Variants in CAMKMT observed in about 807,000 individuals in gnomAD.
The protein encoded by CAMKMT is calmodulin-lysine N-methyltransferase, also known as CaM KMT.
Under a neutral mutation model 48.0 loss-of-function variants are expected in CAMKMT, and 53 were observed. The ratio of observed to expected loss-of-function variants is 1.10; its 90% CI spans 0.89 to 1.39. The LOEUF is 1.39. Ranked by LOEUF, CAMKMT falls within the 40% of genes most tolerant of loss-of-function variation. The pLI, the probability that CAMKMT is intolerant of heterozygous loss-of-function variation, is 0.00. For synonymous variants in CAMKMT, 165 were observed against 152.3 expected, an observed-to-expected ratio of 1.08 and a Z score of -0.61; for missense variants, 428 against 402.7, an observed-to-expected ratio of 1.06 and a Z score of -0.54.
chr2:44,366,825 G>A (rs1282717065), intron 1 of CAMKMT, among the ~76,000 whole-genome samples: 1 of 151,928 alleles, frequency 6.6e-6, no homozygotes, highest in Non-Finnish European at 1.5e-5. Flanking sequence ...GGGTTCAAAC[G>A]ATTCTTGTGC....
At chr2:44,400,942 A>ATG (rs1431439816) in intron 3 of CAMKMT, 4 of 118,674 alleles carry the variant, frequency 3.4e-5, no homozygotes, top group Non-Finnish European at 7.7e-5. Flanking sequence ...ATATATATAT[A>ATG]TATATATATA....
At chr2:44,765,299 C>T (rs1394945404) in intron 9 of CAMKMT, among the ~76,000 whole-genome samples, 1 of 151,924 alleles carries the variant, frequency 6.6e-6, no homozygotes, top group Admixed American at 6.6e-5. Context: ...ACTATACCTA[C>T]AACATAGAGT....
chr2:44,598,820 A>G (rs1670820250), intron 3 of CAMKMT, among the ~76,000 whole-genome samples: 1 of 151,410 alleles, frequency 6.6e-6, no homozygotes, highest in East Asian at 1.9e-4. Flanking sequence ...TGGTTTCACA[A>G]TGTGAAGTTC....
chr2:44,431,908 C>G (rs921162887), intron 3 of CAMKMT, among the ~76,000 whole-genome samples: 1 of 152,110 alleles, frequency 6.6e-6, no homozygotes, highest in Non-Finnish European at 1.5e-5. Context: ...CAATTTACTT[C>G]CTGGAAATGA....
chr2:44,454,866 C>G (rs1315132081), intron 3 of CAMKMT, among the ~76,000 whole-genome samples: 2 of 152,004 alleles, frequency 1.3e-5, no homozygotes, highest in African/African-American at 4.8e-5. Context: ...TTATTTAAAC[C>G]TAGAGAGGAT....
intron 3 of CAMKMT, among the ~76,000 whole-genome samples, chr2:44,500,945 T>C (rs1272422089): frequency 6.6e-6 from 1 of 151,960 alleles, no homozygotes; most frequent in African/African-American, 2.4e-5. Flanking sequence ...GCCTCCCAAA[T>C]TGCTGTGATT....
At position 44,744,711 on chromosome 2, in the gene CAMKMT, G is replaced by A. The variant is rs984572163; in HGVS notation, c.698+1015G>A. On this transcript the variant is annotated intron_variant, in intron 8 of 10. Coordinates refer to ENST00000378494, the MANE Select transcript of CAMKMT (RefSeq NM_024766.5). Reference sequence around the variant, plus strand: ...ATGAAATTTTCAGGAAGTGGGTTTTGTTATTATTATTATTTTAATAAGATT... The same window carrying A: ...ATGAAATTTTCAGGAAGTGGGTTTTATTATTATTATTATTTTAATAAGATT... 2.6e-5 allele frequency among the ~76,000 whole-genome samples: 4 copies of A among 151,610 alleles called. 1 individual carries two copies. In the East Asian group the frequency reaches 7.8e-4, roughly 29 times the overall value.
chr2:44,741,613 C>T (rs1679679970), intron 7 of CAMKMT, among the ~76,000 whole-genome samples: 1 of 152,230 alleles, frequency 6.6e-6, no homozygotes, highest in Non-Finnish European at 1.5e-5. Flanking sequence ...CACAATACCA[C>T]TCTCTTTCTC....
chr2:44,607,037 A>G (rs943979840), intron 3 of CAMKMT, among the ~76,000 whole-genome samples: 3 of 152,220 alleles, frequency 2.0e-5, no homozygotes, highest in African/African-American at 7.2e-5. Flanking sequence ...CTCTAACTGC[A>G]CTATTCTATG....
At chr2:44,381,301 A>G (rs542904170) in intron 2 of CAMKMT, among the ~76,000 whole-genome samples, 77 of 152,332 alleles carry the variant, frequency 5.1e-4, no homozygotes, top group African/African-American at 1.8e-3. Flanking sequence ...TAGAAATTAA[A>G]AAAAATTACC....
intron 3 of CAMKMT, among the ~76,000 whole-genome samples, chr2:44,627,856 C>A (rs147469773): frequency 0.022 from 3,330 of 151,586 alleles, 129 homozygotes; most frequent in African/African-American, 0.077. Flanking sequence ...CGTGCCACCA[C>A]ACCTGGCTAA....
chr2:44,590,154 T>G (rs916087172), intron 3 of CAMKMT, among the ~76,000 whole-genome samples: 6 of 152,030 alleles, frequency 3.9e-5, no homozygotes, highest in African/African-American at 1.4e-4. Flanking sequence ...GGCTAGAACC[T>G]CTAGTATAGT....
intron 3 of CAMKMT, among the ~76,000 whole-genome samples, chr2:44,613,475 T>C (rs114028213): frequency 2.6e-5 from 4 of 152,186 alleles, no homozygotes. Flanking sequence ...TGGTCAGGAC[T>C]GTATGCTGTG....
intron 8 of CAMKMT, among the ~76,000 whole-genome samples, chr2:44,753,245 C>A (rs1318741292): frequency 2.3e-5 from 3 of 130,464 alleles, no homozygotes; most frequent in East Asian, 2.2e-4. Flanking sequence ...AGACCCTGTC[C>A]CTACAAAAAA....
At chr2:44,415,456 G>T (rs952947286) in intron 3 of CAMKMT, among the ~76,000 whole-genome samples, 1 of 152,118 alleles carries the variant, frequency 6.6e-6, no homozygotes, top group African/African-American at 2.4e-5. Context: ...ATGTTAATTC[G>T]TTATTTCCAC....
chr2:44,710,792 A>G (rs1677838208), intron 6 of CAMKMT, among the ~76,000 whole-genome samples: 1 of 152,212 alleles, frequency 6.6e-6, no homozygotes, highest in African/African-American at 2.4e-5. Context: ...ATAATGAATA[A>G]AAGTAGAACT....
chr2:44,503,192 A>G lies in CAMKMT; in HGVS notation c.376+112887A>G, dbSNP rs530750333. 2.1e-4 allele frequency among the ~76,000 whole-genome samples: 32 copies of G among 152,092 alleles called. 1 individual carries two copies. In the South Asian group the frequency reaches 6.4e-3, roughly 31 times the overall value. ...AGTGTAATAACCAATTTTTTTTTCC[A>G]GAAATTTAACCTCTCCCCTGCTTGT... On this transcript the variant is annotated intron_variant, in intron 3 of 10. Coordinates refer to ENST00000378494, the MANE Select transcript of CAMKMT (RefSeq NM_024766.5).
At chr2:44,596,348 C>T (rs1391486304) in intron 3 of CAMKMT, among the ~76,000 whole-genome samples, 5 of 151,676 alleles carry the variant, frequency 3.3e-5, no homozygotes, top group Non-Finnish European at 7.4e-5. Context: ...ACTTGGGAGG[C>T]TGAGATGGGA....
chr2:44,480,613 A>G (rs946570502), intron 3 of CAMKMT, among the ~76,000 whole-genome samples: 1 of 152,162 alleles, frequency 6.6e-6, no homozygotes, highest in African/African-American at 2.4e-5. Context: ...TGAGAATTCT[A>G]TCTTTGTTTT....
Sources: gnomAD v4.1 joint callset for allele counts (sites outside exome capture counted in the v4.1 genomes callset) on GRCh38, gnomAD v4.1.1 for gene constraint, MANE v1.5 for transcripts, NCBI Gene and HGNC (gene_info 2026-07-23, HGNC 2026-07-21) for gene names.